Variants in LINGO2 observed in about 807,000 individuals in gnomAD.
The protein encoded by LINGO2 is leucine rich repeat and Ig domain containing 2, also known as leucine-rich repeat and immunoglobulin-like domain-containing nogo receptor-interacting protein 2.
LINGO2 carries 14 observed loss-of-function variants against 30.6 expected under a neutral mutation model. The observed-to-expected ratio is 0.46, with a 90% CI of 0.30 to 0.72. The LOEUF is 0.72. LINGO2 is among the 30% of genes least tolerant of loss of function. LINGO2 has a pLI of 0.07. For synonymous variants in LINGO2, 317 were observed against 288.5 expected (o/e 1.10, Z -1.00); for missense variants, 729 against 751.7 (o/e 0.97, Z 0.35).
chr9:28,271,424 C>T (rs537527445), intron 4 of LINGO2, among the ~76,000 whole-genome samples: 1 of 151,866 alleles, frequency 6.6e-6, no homozygotes, highest in Admixed American at 6.5e-5. Flanking sequence ...ACATACAGAG[C>T]TTTGTAAATA....
chr9:28,357,128 A>G (rs1275294505), intron 3 of LINGO2, among the ~76,000 whole-genome samples: 1 of 152,100 alleles, frequency 6.6e-6, no homozygotes, highest in Non-Finnish European at 1.5e-5. Context: ...AGCAATTGGG[A>G]TAGCCAATAG....
chr9:28,688,632 C>T, the LINGO2 span, among the ~76,000 whole-genome samples: 1 of 152,118 alleles, frequency 6.6e-6, no homozygotes, highest in Admixed American at 6.6e-5. Context: ...AAAATAAACT[C>T]GTTTAAACAA....
chr9:28,555,612 A>T (rs969963512), intron 1 of LINGO2, among the ~76,000 whole-genome samples: 21 of 152,200 alleles, frequency 1.4e-4, no homozygotes, highest in Admixed American at 2.0e-4. Flanking sequence ...ATTCCAATCA[A>T]TAGAAAAAGA....
At chr9:28,734,600 T>C in the LINGO2 span, among the ~76,000 whole-genome samples, 2 of 152,096 alleles carry the variant, frequency 1.3e-5, no homozygotes, top group Non-Finnish European at 2.9e-5. Context: ...CAAATATAAA[T>C]ATAAAGCATA....
At chr9:28,682,700 T>C in the LINGO2 span, among the ~76,000 whole-genome samples, 2 of 152,138 alleles carry the variant, frequency 1.3e-5, no homozygotes, top group African/African-American at 4.8e-5. Flanking sequence ...TGTATTGTCA[T>C]ATATTTAAAA....
intron 1 of LINGO2, among the ~76,000 whole-genome samples, chr9:28,539,175 G>A (rs1190756166): frequency 6.6e-6 from 1 of 151,890 alleles, no homozygotes; most frequent in African/African-American, 2.4e-5. Context: ...AGGTTATGCA[G>A]CCATATTAAA....
In LINGO2 at chr9:28,125,580, G is replaced by A. The variant is rs186449968; in HGVS notation, c.-86-113175C>T. ...AGACCCAACCTTATGAACATATGCT[G>A]TTGACTGCAGGGCTCTCTTAGAGTC... On this transcript the variant is annotated intron_variant, in intron 4 of 5. Transcript: ENST00000379992. Among the ~76,000 whole-genome samples the A allele has an allele frequency of 4.6e-4, 70 of 152,204 alleles. 1 individual carries two copies. Among genetic ancestry groups the A allele is most frequent in the African/African-American group, 1.7e-3 (70 of 41,520 alleles).
chr9:28,119,095 C>T (rs760970283), intron 4 of LINGO2, among the ~76,000 whole-genome samples: 6 of 152,170 alleles, frequency 3.9e-5, no homozygotes, highest in Non-Finnish European at 7.3e-5. Context: ...CTCACTACTT[C>T]TCTTAGACTG....
At chr9:28,427,368 T>A (rs563447192) in intron 2 of LINGO2, among the ~76,000 whole-genome samples, 1 of 152,218 alleles carries the variant, frequency 6.6e-6, no homozygotes, top group African/African-American at 2.4e-5. Flanking sequence ...CCGGTGTGTA[T>A]GAATACGATC....
intron 3 of LINGO2, among the ~76,000 whole-genome samples, chr9:28,345,793 A>G (rs1409921379): frequency 6.6e-6 from 1 of 152,046 alleles, no homozygotes; most frequent in African/African-American, 2.4e-5. Flanking sequence ...TGCTTCTATG[A>G]CTCTTGAGAC....
chr9:28,150,301 C>G (rs1395643835), intron 4 of LINGO2, among the ~76,000 whole-genome samples: 1 of 152,190 alleles, frequency 6.6e-6, no homozygotes, highest in Non-Finnish European at 1.5e-5. Flanking sequence ...GAAGTGACAG[C>G]CTTGTGTGTG....
chr9:28,624,438 G>A (rs1271143656), intron 1 of LINGO2, among the ~76,000 whole-genome samples: 1 of 151,834 alleles, frequency 6.6e-6, no homozygotes, highest in African/African-American at 2.4e-5. Context: ...TATGCTTTTT[G>A]TCCTTCATTC....
chr9:29,171,006 C>T, the LINGO2 span, among the ~76,000 whole-genome samples: 2 of 151,940 alleles, frequency 1.3e-5, no homozygotes. Flanking sequence ...TAATCCTTTT[C>T]TTTTCTTTAC....
chr9:28,217,192 T>G (rs1255968554), intron 4 of LINGO2, among the ~76,000 whole-genome samples: 1 of 151,204 alleles, frequency 6.6e-6, no homozygotes, highest in Non-Finnish European at 1.5e-5. Context: ...GATTGAGTGG[T>G]GTATTATTTT....
At chr9:28,212,603 T>C (rs1473010983) in intron 4 of LINGO2, among the ~76,000 whole-genome samples, 2 of 151,438 alleles carry the variant, frequency 1.3e-5, no homozygotes, top group African/African-American at 4.8e-5. Context: ...GAATGTTGAT[T>C]TTAATCATGT....
At chr9:29,011,521 A>C in the LINGO2 span, among the ~76,000 whole-genome samples, 1 of 152,208 alleles carries the variant, frequency 6.6e-6, no homozygotes, top group South Asian at 2.1e-4. Context: ...AAGTGAATGT[A>C]ATTTTTCAGA....
At chr9:28,387,397 T>C (rs1275715371) in intron 2 of LINGO2, among the ~76,000 whole-genome samples, 1 of 152,152 alleles carries the variant, frequency 6.6e-6, no homozygotes, top group Non-Finnish European at 1.5e-5. Context: ...CAATCAGTGC[T>C]CTATAAAATG....
the LINGO2 span, among the ~76,000 whole-genome samples, chr9:28,914,969 T>C: frequency 6.6e-6 from 1 of 151,928 alleles, no homozygotes; most frequent in Non-Finnish European, 1.5e-5. Flanking sequence ...TCATCTCTAC[T>C]AAAAATACAA....
chr9:28,466,348 A>G (rs995657768), intron 2 of LINGO2, among the ~76,000 whole-genome samples: 1 of 152,198 alleles, frequency 6.6e-6, no homozygotes. Flanking sequence ...ATTATGCTAA[A>G]TGAAATAAGC....
Sources: allele counts gnomAD v4.1 joint callset (sites outside exome capture counted in the v4.1 genomes callset), GRCh38; gene constraint gnomAD v4.1.1; transcripts MANE v1.5; gene names NCBI Gene and HGNC (gene_info 2026-07-23, HGNC 2026-07-21).